Variants in CILP observed in about 807,000 individuals in gnomAD.
The protein encoded by CILP is cartilage intermediate layer protein 1.
CILP carries 75 observed loss-of-function variants against 82.5 expected under a neutral mutation model. The observed-to-expected ratio is 0.91, with a 90% CI of 0.75 to 1.10. The LOEUF is 1.10. Among genes scored for constraint, CILP ranks in the 50% least tolerant of loss-of-function variants. The pLI, the probability that CILP is intolerant of heterozygous loss-of-function variation, is 0.00. For missense variants in CILP, 1,479 were observed against 1,530.8 expected (o/e 0.97, Z 0.56); for synonymous variants, 530 against 580.3 (o/e 0.91, Z 1.25).
chr15:65,203,922 A>G (rs1366107983), intron 6 of CILP, among the ~76,000 whole-genome samples: 1 of 152,258 alleles, frequency 6.6e-6, no homozygotes, highest in Non-Finnish European at 1.5e-5. Context: ...GCCAGGGAAG[A>G]CCTCATACAT....
Position 65,196,849 on chromosome 15 carries a change from A to C in CILP, c.3437T>G (p.Val1146Gly). The C allele has an allele frequency of 6.2e-7, 1 of 1,613,766 alleles. No individual in the cohort carries two copies. Among genetic ancestry groups the C allele is most frequent in the Non-Finnish European group, 8.5e-7 (1 of 1,179,888 alleles). ...TPAQSPAAGT[V>G]QGRVPSRRQQ... Reference sequence around the variant, plus strand: ...CCTCCTCGAGGGCACTCTTCCTTGGACAGTGCCTGCAGCAGGGGACTGGGC... The same window carrying C: ...CCTCCTCGAGGGCACTCTTCCTTGGCCAGTGCCTGCAGCAGGGGACTGGGC... The change falls in exon 9 of 9, where the codon GTC becomes GGC. Residue 1146 changes from valine to glycine, a missense_variant. By Grantham distance (109) the Val-to-Gly change is moderately radical (BLOSUM62 -3). Transcript: ENST00000261883.
chr15:65,207,599 G>A, intron 3 of CILP, 73 bp downstream of exon 3: 9 of 1,340,768 alleles, frequency 6.7e-6, no homozygotes, highest in Non-Finnish European at 9.6e-6. Flanking sequence ...TCATGCCCTG[G>A]CTTCAGAGAT....
rs1291188395 is a variant in CILP at position 65,199,076 on chromosome 15, G to T, written c.1210C>A (p.Pro404Thr). Reference sequence around the variant, plus strand: ...CGGATAAGATAGCTCTCAGGAACTGGGTTGCAAGGAGTCTCATCAGATGCT... The same window carrying T: ...CGGATAAGATAGCTCTCAGGAACTGTGTTGCAAGGAGTCTCATCAGATGCT... ...VIASDETPCNPVPESYLIRLP... is the reference protein window; with the variant it reads ...VIASDETPCNTVPESYLIRLP... The change falls in exon 9 of 9, where the codon CCA (proline) becomes ACA (threonine). Residue 404 changes from proline (P) to threonine (T), a missense_variant. Coordinates refer to ENST00000261883, the MANE Select transcript of CILP (RefSeq NM_003613.4). 6.3e-7 allele frequency: 1 copy of T among 1,595,344 alleles called. No homozygotes were observed. Among genetic ancestry groups the T allele is most frequent in the Middle Eastern group, 1.7e-4 (1 of 6,022 alleles).
At chr15:65,206,729 TGAGTA>T in intron 4 of CILP, 48 bp downstream of exon 4, 1 of 1,541,914 alleles carries the variant, frequency 6.5e-7, no homozygotes, top group Non-Finnish European at 8.7e-7. Flanking sequence ...TCCCTCTCCC[TGAGTA>T]GAGGCCAGTG....
At chr15:65,210,721 A>G (rs576734126) in intron 1 of CILP, among the ~76,000 whole-genome samples, 59 of 152,338 alleles carry the variant, frequency 3.9e-4, no homozygotes, top group African/African-American at 1.4e-3. Context: ...GAAAGGGAAG[A>G]GTCCTCCTCT....
At chr15:65,208,329 C>T (rs1471806705) in intron 2 of CILP, among the ~76,000 whole-genome samples, 1 of 152,136 alleles carries the variant, frequency 6.6e-6, no homozygotes, top group Non-Finnish European at 1.5e-5. Flanking sequence ...AACTGTGTGA[C>T]TTTGGGCAAG....
chr15:65,207,096 G>A lies in CILP; in HGVS notation c.155-45C>T, dbSNP rs933376577. 18 of 1,579,524 alleles carry A rather than the reference G, an allele frequency of 1.1e-5. No homozygotes were observed. The African/African-American group carries it at 1.6e-4, about 14-fold the overall frequency. On this transcript the variant is annotated intron_variant, in intron 3 of 8. Transcript: ENST00000261883. The stretch of plus-strand genomic sequence containing the variant: ...TGCGGAGGAGCCGTGATCCTGGTGC[G>A]CTCCAGTTCTCCTTTCCCTCTCACC...
At chr15:65,199,575 C>T (rs1015342873) in intron 8 of CILP, among the ~76,000 whole-genome samples, 1 of 152,230 alleles carries the variant, frequency 6.6e-6, no homozygotes, top group East Asian at 1.9e-4. Context: ...GTTATCCCAA[C>T]AATTTGGGAG....
chr15:65,197,709 G>T lies in CILP; in HGVS notation c.2577C>A (p.Tyr859Ter). 1 of 1,613,172 alleles carries T rather than the reference G, an allele frequency of 6.2e-7. No homozygotes were observed. Among genetic ancestry groups the T allele is most frequent in the African/African-American group, 1.3e-5 (1 of 75,044 alleles). ...GTGGATCCTCATGGTCCGTCCGACG[G>T]TAGTTGAGCTTGTTGAGATAGGGCT... is the stretch of plus-strand genomic sequence containing the variant. ...VPQPYLNKLN[Y>*]RRTDHEDPRV... Residue 859 changes from tyrosine to a stop codon, truncating the protein, a stop_gained, in exon 9 of 9, where the codon TAC becomes TAA. Coordinates refer to ENST00000261883, the MANE Select transcript of CILP (RefSeq NM_003613.4). LOFTEE classifies it high-confidence loss of function.
chr15:65,207,139 A>G, intron 3 of CILP, 88 bp from the exon 4 acceptor site: 1 of 1,428,318 alleles, frequency 7.0e-7, no homozygotes, highest in Admixed American at 2.0e-5. Flanking sequence ...AGCTGGCCTC[A>G]GGCCCTATCA....
At position 65,198,743 on chromosome 15, in the gene CILP, T is replaced by C. The variant is rs1456976173; in HGVS notation, c.1543A>G (p.Ser515Gly). The part of the protein sequence containing the change: ...MRFGHVYMGN[S>G]RVSMTGYKGT... ...TTGTAGCCAGTCATGCTTACACGGC[T>C]GTTCCCCATGTACACATGGCCAAAG... Residue 515 changes from serine to glycine, a missense_variant, in exon 9 of 9, where the codon AGC becomes GGC. Ser to Gly is a moderately conservative substitution (Grantham distance 56). Coordinates refer to ENST00000261883, the MANE Select transcript of CILP (RefSeq NM_003613.4). The C allele has an allele frequency of 6.2e-7, 1 of 1,614,206 alleles. No individual in the cohort carries two copies. Among genetic ancestry groups the C allele is most frequent in the Non-Finnish European group, 8.5e-7 (1 of 1,180,044 alleles).
At position 65,197,377 on chromosome 15, in the gene CILP, G is replaced by A; in HGVS notation, c.2909C>T (p.Ser970Phe). The change falls in exon 9 of 9, where the codon TCC becomes TTC. Residue 970 changes from serine to phenylalanine, a missense_variant. Physicochemically the swap from Ser to Phe is radical, Grantham distance 155 (BLOSUM62 -2). Coordinates refer to ENST00000261883, the MANE Select transcript of CILP (RefSeq NM_003613.4). ...IVGPLEVNVR[S>F]RNMGGTHRQT... The stretch of plus-strand genomic sequence containing the variant: ...CCGATGAGTGCCCCCCATGTTGCGG[G>A]ATCGCACATTCACTTCCAGTGGCCC... 1 of 1,614,218 alleles carries A rather than the reference G, an allele frequency of 6.2e-7. No individual in the cohort carries two copies. The highest frequency in any genetic ancestry group is 1.3e-5 in the African/African-American group (1 of 75,062).
rs2088505915 is a variant in CILP, at chr15:65,205,332, C to T, written c.559G>A (p.Glu187Lys). The change falls in exon 5 of 9, where the codon GAG (glutamate) becomes AAG (lysine). Residue 187 changes from glutamate to lysine, a missense_variant. Physicochemically the swap from Glu to Lys is moderately conservative, Grantham distance 56. Transcript: ENST00000261883. ...CLAEMVSLCS[E>K]ASEEGQHCMG... ...CAGTGCTGACCCTCTTCGCTGGCCT[C>T]ACTGCACAGCGACACCATCTCTGCC... 2 of 1,614,024 alleles carry T rather than the reference C, an allele frequency of 1.2e-6. No individual in the cohort carries two copies. Among genetic ancestry groups the T allele is most frequent in the Non-Finnish European group, 1.7e-6 (2 of 1,180,044 alleles).
chr15:65,207,820 C>T, intron 2 of CILP, 56 bp from the exon 3 acceptor site: 1 of 1,454,774 alleles, frequency 6.9e-7, no homozygotes, highest in Non-Finnish European at 9.6e-7. Flanking sequence ...TTACAGCATT[C>T]CTCAAGATGC....
chr15:65,207,834 G>A, intron 2 of CILP, 70 bp from the exon 3 acceptor site: 1 of 1,327,794 alleles, frequency 7.5e-7, no homozygotes, highest in Non-Finnish European at 1.1e-6. Flanking sequence ...AAGATGCAGG[G>A]AAACAGTGTG....
At position 65,207,130 on chromosome 15, in the gene CILP, G is replaced by T. The variant is rs28754778; in HGVS notation, c.155-79C>A. On this transcript the variant is annotated intron_variant, in intron 3 of 8. Transcript: ENST00000261883. The stretch of plus-strand genomic sequence containing the variant: ...CTCCTTTCCCTCTCACCCACCCCCA[G>T]CTGGCCTCAGGCCCTATCACATTTG... The T allele has an allele frequency of 6.3e-3, 9,410 of 1,497,954 alleles. 471 individuals carry two copies. In the African/African-American group the frequency reaches 0.11, roughly 17 times the overall value. The allele number at this position is 1,497,954 out of a possible 1,614,324, so 92.8% of individuals were successfully genotyped here.
In CILP at chr15:65,204,262, A is replaced by C. The variant is rs1327162770; in HGVS notation, c.919+6T>G. The C allele has an allele frequency of 3.7e-6, 6 of 1,611,340 alleles. No homozygotes were observed. In the Admixed American group the frequency reaches 5.1e-5, roughly 14 times the overall value. On this transcript the variant is annotated splice_donor_region_variant and intron_variant, in intron 6 of 8. Transcript: ENST00000261883. The stretch of plus-strand genomic sequence containing the variant: ...TCACCAGCCCTACCCCAAAGAATTT[A>C]GTTACCTGCCCTCACAAACTCTGCC...
In CILP at chr15:65,197,326, A is replaced by G. The variant is rs781096900; in HGVS notation, c.2960T>C (p.Ile987Thr). 11 of 1,614,096 alleles carry G rather than the reference A, an allele frequency of 6.8e-6. No individual in the cohort carries two copies. In the Admixed American group the frequency reaches 1.8e-4, roughly 27 times the overall value. ...HRQTVGKLYGIRDVRSTRDRD... is the reference protein window; with the variant it reads ...HRQTVGKLYGTRDVRSTRDRD... The stretch of plus-strand genomic sequence containing the variant: ...GTCCCGAGTGCTCCTCACATCTCGG[A>G]TTCCATACAGCTTCCCCACTGTCTG... The change falls in exon 9 of 9, where the codon ATC becomes ACC. Residue 987 changes from isoleucine (I) to threonine (T), a missense_variant. Ile to Thr is a moderately conservative substitution (Grantham distance 89). Coordinates refer to ENST00000261883, the MANE Select transcript of CILP (RefSeq NM_003613.4).
At position 65,195,079 on chromosome 15, in the gene CILP, A is replaced by G. The variant is rs2088346403; in HGVS notation, c.*1652T>C. 6.6e-6 allele frequency: 1 copy of G among 152,172 alleles called. No individual in the cohort carries two copies. The highest frequency in any genetic ancestry group is 6.5e-5 in the Admixed American group (1 of 15,268). The allele number at this position is 152,172 out of a possible 1,614,324, so 9.4% of individuals were successfully genotyped here. ...TCTGGAAGTGGGTCAAGTTGCAATC[A>G]CAAGACCACTAGTCCTCACTCCTGC... On this transcript the variant is annotated 3_prime_UTR_variant, in exon 9 of 9. Transcript: ENST00000261883.
Sources: gnomAD v4.1 joint callset for allele counts (sites outside exome capture counted in the v4.1 genomes callset) on GRCh38, gnomAD v4.1.1 for gene constraint, MANE v1.5 for transcripts, NCBI Gene and HGNC (gene_info 2026-07-23, HGNC 2026-07-21) for gene names.